PRMT1: variants seen among roughly 807,000 people sequenced by gnomAD.
PRMT1 encodes the protein protein arginine methyltransferase 1.
A neutral mutation model predicts 47.4 loss-of-function variants in PRMT1; 5 were observed. That is an observed-to-expected ratio of 0.11 (90% CI 0.06 to 0.22). The LOEUF (loss-of-function observed/expected upper bound fraction) is 0.22. PRMT1 is among the 10% of genes least tolerant of loss of function. The pLI is 1.00. For missense variants in PRMT1, 249 were observed against 518.4 expected, an observed-to-expected ratio of 0.48 and a Z score of 5.05; for synonymous variants, 227 against 204.6, an observed-to-expected ratio of 1.11 and a Z score of -0.94.
At position 49,680,628 on chromosome 19, in the gene PRMT1, G is replaced by C; in HGVS notation, c.192+40G>C. The C allele has an allele frequency of 6.7e-7, 1 of 1,489,260 alleles. No homozygotes were observed. 92.3% of individuals were successfully genotyped at this position (1,489,260 alleles called of 1,614,324 possible). A position where few individuals can be genotyped will look rare whatever the true frequency, so the allele number is the denominator to read the frequency against. ...TCCCCAAGGCCCCAATCTTAGGGGGGCTTAAATGTTGGGGAAGGGGTGGAA... is the reference window on the plus strand; with the variant it reads ...TCCCCAAGGCCCCAATCTTAGGGGGCCTTAAATGTTGGGGAAGGGGTGGAA... On this transcript the variant is annotated intron_variant, in intron 3 of 10. Coordinates refer to ENST00000454376, the MANE Select transcript of PRMT1 (RefSeq NM_001536.6). The surrounding 1 kb of genome is among the most constrained non-coding windows in gnomAD (Gnocchi z 4.2).
Position 49,685,389 on chromosome 19 carries a change from G to A in PRMT1, c.759+352G>A, listed in dbSNP as rs77059647. The A allele has an allele frequency of 4.3e-3, 5,247 of 1,231,620 alleles. 187 individuals carry two copies. The African/African-American group carries it at 0.074, about 17-fold the overall frequency. The allele number at this position is 1,231,620 out of a possible 1,614,324, so 76.3% of individuals were successfully genotyped here. On this transcript the variant is annotated intron_variant, in intron 8 of 10. Coordinates refer to ENST00000454376, the MANE Select transcript of PRMT1 (RefSeq NM_001536.6). This position sits in a 1 kb window ranked among gnomAD's most constrained non-coding sequence, Gnocchi z 4.7. Reference sequence around the variant, plus strand: ...AGAGCACGGGGCCAGGCTGGGCTCCGAGATGTGCCTGAGGTCCCAGCTACT... The same window carrying A: ...AGAGCACGGGGCCAGGCTGGGCTCCAAGATGTGCCTGAGGTCCCAGCTACT...
chr19:49,688,346 A>C lies in PRMT1; in HGVS notation c.*101A>C. The C allele has an allele frequency of 1.8e-6, 2 of 1,124,324 alleles. No individual in the cohort carries two copies. The highest frequency in any genetic ancestry group is 1.8e-5 in the Admixed American group (1 of 56,974). 69.6% of individuals were successfully genotyped at this position (1,124,324 alleles called of 1,614,324 possible). ...CCTCCCTCCCGCAGAAGGGGGTTTT[A>C]GGGGCCTGGGCTGGGGGGATGGGGA... On this transcript the variant is annotated 3_prime_UTR_variant, in exon 11 of 11. Coordinates refer to ENST00000454376, the MANE Select transcript of PRMT1 (RefSeq NM_001536.6). The surrounding 1 kb of genome is among the most constrained non-coding windows in gnomAD (Gnocchi z 5.3).
chr19:49,676,886 G>A (rs1237783647), upstream of PRMT1, among the ~76,000 whole-genome samples: 2 of 152,168 alleles, frequency 1.3e-5, no homozygotes, highest in African/African-American at 4.8e-5. Flanking sequence ...GGGTCGTTTT[G>A]GTGATGGACA....
In PRMT1 at chr19:49,686,242, C is replaced by T. The variant is rs200805917; in HGVS notation, c.909C>T (p.Thr303=). The T allele has an allele frequency of 2.1e-5, 33 of 1,596,058 alleles. No homozygotes were observed. Among genetic ancestry groups the T allele is most frequent in the Non-Finnish European group, 2.8e-5 (33 of 1,171,618 alleles). Reference sequence around the variant, plus strand: ...GCCACAAGAGGACCGGCTTCTCCACCAGTGAGGCGGGGCCCACAGGGCTGG... The same window carrying T: ...GCCACAAGAGGACCGGCTTCTCCACTAGTGAGGCGGGGCCCACAGGGCTGG... ...TRCHKRTGFS[T]SPESPYTHWK... is the part of the protein sequence containing the mutation. Residue 303 remains threonine, a splice_region_variant and synonymous_variant, in exon 9 of 11, where the codon ACC becomes ACT. Coordinates refer to ENST00000454376, the MANE Select transcript of PRMT1 (RefSeq NM_001536.6).
At chr19:49,678,352 G>A (rs1159128640) in intron 1 of PRMT1, 5 of 152,430 alleles carry the variant, frequency 3.3e-5, no homozygotes, top group Admixed American at 6.5e-5. Context: ...GCCTGAAATG[G>A]TTTCGAGTGA....
Position 49,686,678 on chromosome 19 carries a change from C to T in PRMT1, c.984C>T (p.Gly328=), listed in dbSNP as rs1568489612. 9 of 1,612,140 alleles carry T rather than the reference C, an allele frequency of 5.6e-6. No homozygotes were observed. The highest frequency in any genetic ancestry group is 3.3e-5 in the Admixed American group (2 of 59,872). The change falls in exon 10 of 11, where the codon GGC becomes GGT. Residue 328 remains glycine, a synonymous_variant. Transcript: ENST00000454376. ...AGGACTACCTGACCGTGAAGACGGG[C>T]GAGGAGATCTTCGGCACCATCGGCA... is the stretch of plus-strand genomic sequence containing the variant. ...YMEDYLTVKT[G]EEIFGTIGMR...
At position 49,685,542 on chromosome 19, in the gene PRMT1, GT is replaced by G. The variant is rs2082192425; in HGVS notation, c.759+508del. On this transcript the variant is annotated intron_variant, in intron 8 of 10. Coordinates refer to ENST00000454376, the MANE Select transcript of PRMT1 (RefSeq NM_001536.6). The surrounding 1 kb of genome is among the most constrained non-coding windows in gnomAD (Gnocchi z 4.7). ...TGTTTTTTTTTACTTCTGAGACCCT[GT>G]TTAAAAAAAAAAAATACGGCGATGA... 3 of 1,012,188 alleles carry G rather than the reference GT, an allele frequency of 3.0e-6. No individual in the cohort carries two copies. The highest frequency in any genetic ancestry group is 3.9e-5 in the South Asian group (1 of 25,824). The allele number at this position is 1,012,188 out of a possible 1,614,324, so 62.7% of individuals were successfully genotyped here.
At chr19:49,687,878 C>T (rs554313842) in intron 10 of PRMT1, 22 of 522,354 alleles carry the variant, frequency 4.2e-5, no homozygotes, top group Admixed American at 2.2e-4. Flanking sequence ...AAGAAGCAAT[C>T]ACTGCATTGC....
rs778842103 is a variant in PRMT1 at position 49,684,247 on chromosome 19, G to A, written c.555+178G>A. On this transcript the variant is annotated intron_variant, in intron 6 of 10. Transcript: ENST00000454376. This position sits in a 1 kb window ranked among gnomAD's most constrained non-coding sequence, Gnocchi z 6.2. The stretch of plus-strand genomic sequence containing the variant: ...CCTGGAGGGAGATGGTGCGATGTGG[G>A]GGAGGTCGTAGGAACAGGAAATCCG... Among the ~76,000 whole-genome samples the A allele has an allele frequency of 5.3e-5, 8 of 152,084 alleles. No individual in the cohort carries two copies. The highest frequency in any genetic ancestry group is 8.8e-5 in the Non-Finnish European group (6 of 68,012).
intron 5 of PRMT1, 196 bp from the exon 6 acceptor site, chr19:49,683,731 C>T: frequency 1.7e-6 from 1 of 587,048 alleles, no homozygotes; most frequent in Non-Finnish European, 3.0e-6. Context: ...GATACCCAGT[C>T]CACATAAAAT....
chr19:49,685,947 G>A lies in PRMT1; in HGVS notation c.760-146G>A. ...CCGGATAGGCAGGATGCAGAGTGAA[G>A]GAGGAGCCGAGGCTGGGTGCCAGTG... On this transcript the variant is annotated intron_variant, in intron 8 of 10. Coordinates refer to ENST00000454376, the MANE Select transcript of PRMT1 (RefSeq NM_001536.6). The surrounding 1 kb of genome is among the most constrained non-coding windows in gnomAD (Gnocchi z 4.7). The A allele has an allele frequency of 3.4e-6, 5 of 1,457,360 alleles. No homozygotes were observed. Among genetic ancestry groups the A allele is most frequent in the Non-Finnish European group, 4.5e-6 (5 of 1,111,824 alleles). 90.3% of individuals were successfully genotyped at this position (1,457,360 alleles called of 1,614,324 possible).
chr19:49,681,669 C>T lies in PRMT1; in HGVS notation c.193-241C>T, dbSNP rs969346583. Reference sequence around the variant, plus strand: ...AGGAGAATCACTTGAACCCAGGAGGCGGAGGTTGCAGTGAGCTGAGATTGC... The same window carrying T: ...AGGAGAATCACTTGAACCCAGGAGGTGGAGGTTGCAGTGAGCTGAGATTGC... On this transcript the variant is annotated intron_variant, in intron 3 of 10. Coordinates refer to ENST00000454376, the MANE Select transcript of PRMT1 (RefSeq NM_001536.6). This position sits in a 1 kb window ranked among gnomAD's most constrained non-coding sequence, Gnocchi z 4.4. Among the ~76,000 whole-genome samples the T allele has an allele frequency of 5.9e-5, 9 of 151,990 alleles. No homozygotes were observed. In the East Asian group the frequency reaches 1.5e-3, roughly 26 times the overall value.
chr19:49,687,266 TG>T (rs1281094392), intron 10 of PRMT1, among the ~76,000 whole-genome samples: 1 of 149,960 alleles, frequency 6.7e-6, no homozygotes, highest in East Asian at 2.0e-4. Context: ...CCGGGGGAGC[TG>T]GGGGGGCTTC....
At position 49,680,283 on chromosome 19, in the gene PRMT1, TG is replaced by T. The variant is rs754458732; in HGVS notation, c.91-197del. On this transcript the variant is annotated intron_variant, in intron 2 of 10. Coordinates refer to ENST00000454376, the MANE Select transcript of PRMT1 (RefSeq NM_001536.6). This position sits in a 1 kb window ranked among gnomAD's most constrained non-coding sequence, Gnocchi z 4.2. ...CGGGGTGCTCCCCTGGATGGTGCTC[TG>T]GGGGGGTCCTGGAAGTGGAAAATGG... 2.6e-5 allele frequency: 38 copies of T among 1,454,890 alleles called. No homozygotes were observed. The highest frequency in any genetic ancestry group is 1.2e-4 in the East Asian group (5 of 42,808). 90.1% of individuals were successfully genotyped at this position (1,454,890 alleles called of 1,614,324 possible). A position where few individuals can be genotyped will look rare whatever the true frequency, so the allele number is the denominator to read the frequency against.
At position 49,684,567 on chromosome 19, in the gene PRMT1, G is replaced by A. The variant is rs1286711256; in HGVS notation, c.556-187G>A. On this transcript the variant is annotated intron_variant, in intron 6 of 10. Transcript: ENST00000454376. The surrounding 1 kb of genome is among the most constrained non-coding windows in gnomAD (Gnocchi z 6.2). Reference sequence around the variant, plus strand: ...GGATCCCCAGAACCTCCAAGGGCCGGGAGCTGACTGGGGTGCCCCTGGGTG... The same window carrying A: ...GGATCCCCAGAACCTCCAAGGGCCGAGAGCTGACTGGGGTGCCCCTGGGTG... 1.3e-5 allele frequency among the ~76,000 whole-genome samples: 2 copies of A among 152,208 alleles called. No individual in the cohort carries two copies. The highest frequency in any genetic ancestry group is 2.4e-5 in the African/African-American group (1 of 41,464).
At chr19:49,677,147 C>A (rs1038719367), upstream of PRMT1, 7 of 786,336 alleles carry the variant, frequency 8.9e-6, no homozygotes, top group Non-Finnish European at 1.3e-5. Context: ...AGACGGGCCG[C>A]CTCCATTGCC....
At chr19:49,678,142 A>T (rs2082064683) in intron 1 of PRMT1, 1 of 151,272 alleles carries the variant, frequency 6.6e-6, no homozygotes. Flanking sequence ...CCTGAAGCCC[A>T]CCTCCCCTCG....
Position 49,681,866 on chromosome 19 carries a change from G to A in PRMT1, c.193-44G>A, listed in dbSNP as rs775235752. On this transcript the variant is annotated intron_variant, in intron 3 of 10. Transcript: ENST00000454376. The surrounding 1 kb of genome is among the most constrained non-coding windows in gnomAD (Gnocchi z 4.4). Reference sequence around the variant, plus strand: ...CAGGACACGCTGTTCTCCAGCTGGGGATATGGGGCCCCTCACGGCGTCTCT... The same window carrying A: ...CAGGACACGCTGTTCTCCAGCTGGGAATATGGGGCCCCTCACGGCGTCTCT... 6.3e-7 allele frequency: 1 copy of A among 1,584,842 alleles called. No homozygotes were observed. Among genetic ancestry groups the A allele is most frequent in the South Asian group, 1.1e-5 (1 of 87,454 alleles).
rs747343326 is a variant in PRMT1, at chr19:49,682,201, G to A, written c.354G>A (p.Glu118=). The A allele has an allele frequency of 1.9e-6, 3 of 1,614,164 alleles. No homozygotes were observed. Among genetic ancestry groups the A allele is most frequent in the South Asian group, 2.2e-5 (2 of 91,086 alleles). Residue 118 remains glutamate, a synonymous_variant, in exon 5 of 11, where the codon GAG becomes GAA. Coordinates refer to ENST00000454376, the MANE Select transcript of PRMT1 (RefSeq NM_001536.6). ...KAGARKVIGI[E]CSSISDYAVK... is the part of the protein sequence containing the mutation. ...CCTTCTTCCTGGGCCCTCAGATCGA[G>A]TGTTCCAGTATCTCTGATTATGCGG...
Sources: allele counts gnomAD v4.1 joint callset (sites outside exome capture counted in the v4.1 genomes callset), GRCh38; gene constraint gnomAD v4.1.1; non-coding constraint Gnocchi (gnomAD v3.1); transcripts MANE v1.5; gene names NCBI Gene and HGNC (gene_info 2026-07-23, HGNC 2026-07-21).